The following CRTAC1 variants were observed in gnomAD, a reference collection of about 807,000 sequenced individuals.
The protein encoded by CRTAC1 is acidic secreted protein in cartilage.
Under a neutral mutation model 67.8 loss-of-function variants are expected in CRTAC1, and 37 were observed. The ratio of observed to expected loss-of-function variants is 0.55; its 90% CI spans 0.42 to 0.72. The LOEUF is 0.72. Among genes scored for constraint, CRTAC1 ranks in the 30% least tolerant of loss-of-function variants. The pLI, the probability that CRTAC1 is intolerant of heterozygous loss-of-function variation, is 0.00. For missense variants in CRTAC1, 780 were observed against 931.6 expected, an observed-to-expected ratio of 0.84 and a Z score of 2.12; for synonymous variants, 348 against 371.0, an observed-to-expected ratio of 0.94 and a Z score of 0.71.
Position 97,884,106 on chromosome 10 carries a change from A to G in CRTAC1, c.1632+100T>C, listed in dbSNP as rs555060870. Reference sequence around the variant, plus strand: ...GCTTTGCCAAGATTTCCATCACTCTAGAGGCTGAGTTTGCAGATTCCTGGG... The same window carrying G: ...GCTTTGCCAAGATTTCCATCACTCTGGAGGCTGAGTTTGCAGATTCCTGGG... On this transcript the variant is annotated intron_variant, in intron 12 of 14. Transcript: ENST00000370597. 115 of 1,383,626 alleles carry G rather than the reference A, an allele frequency of 8.3e-5. No homozygotes were observed. In the African/African-American group the frequency reaches 1.6e-3, roughly 19 times the overall value. The allele number at this position is 1,383,626 out of a possible 1,614,324, so 85.7% of individuals were successfully genotyped here. A position where few individuals can be genotyped will look rare whatever the true frequency, so the allele number is the denominator to read the frequency against.
At chr10:97,977,448 G>A (rs927551100) in intron 2 of CRTAC1, among the ~76,000 whole-genome samples, 3 of 152,168 alleles carry the variant, frequency 2.0e-5, no homozygotes, top group African/African-American at 7.2e-5. Context: ...ACTGTGAAAG[G>A]TCCCCCAAAT....
chr10:97,865,499 T>G lies in CRTAC1; in HGVS notation c.*49A>C, dbSNP rs75406237. On this transcript the variant is annotated 3_prime_UTR_variant, in exon 15 of 15. Coordinates refer to ENST00000370597, the MANE Select transcript of CRTAC1 (RefSeq NM_018058.7). ...TCTAGGCAGCAGCACAAGCCCACTT[T>G]CCCACTCCCCTGCTGGACTCCATCC... 636 of 1,560,886 alleles carry G rather than the reference T, an allele frequency of 4.1e-4. 2 individuals are homozygous for G. The East Asian group carries it at 0.014, about 34-fold the overall frequency.
chr10:97,882,712 G>C (rs2136540185), intron 13 of CRTAC1, 74 bp downstream of exon 13: 1 of 1,530,026 alleles, frequency 6.5e-7, no homozygotes, highest in Admixed American at 1.7e-5. Flanking sequence ...CTGGACCTTG[G>C]CATGAGTCAG....
chr10:97,913,464 G>A (rs1332940509), intron 5 of CRTAC1, among the ~76,000 whole-genome samples: 6 of 152,172 alleles, frequency 3.9e-5, no homozygotes. Context: ...GCCTGGGGGT[G>A]TAGCCTAGGG....
chr10:97,970,038 G>A (rs2051683007), intron 2 of CRTAC1, among the ~76,000 whole-genome samples: 1 of 152,148 alleles, frequency 6.6e-6, no homozygotes. Context: ...TGAGCTCCCA[G>A]TAGCTCTTCT....
chr10:97,999,907 C>G (rs1842655489), intron 2 of CRTAC1, among the ~76,000 whole-genome samples: 1 of 152,204 alleles, frequency 6.6e-6, no homozygotes, highest in South Asian at 2.1e-4. Context: ...GACGCCCTGT[C>G]TGCAAAGAGA....
At chr10:97,932,251 C>T (rs1369413528) in intron 3 of CRTAC1, among the ~76,000 whole-genome samples, 1 of 152,196 alleles carries the variant, frequency 6.6e-6, no homozygotes, top group Non-Finnish European at 1.5e-5. Context: ...TGGCTTTCTT[C>T]AGAGCCACAG....
intron 11 of CRTAC1, among the ~76,000 whole-genome samples, chr10:97,891,791 G>A (rs2050378576): frequency 6.6e-6 from 1 of 152,222 alleles, no homozygotes; most frequent in African/African-American, 2.4e-5. Context: ...GCTGTGCTGA[G>A]CTCCACTCAT....
At chr10:97,981,405 T>C (rs1466076751) in intron 2 of CRTAC1, among the ~76,000 whole-genome samples, 1 of 152,260 alleles carries the variant, frequency 6.6e-6, no homozygotes, top group Non-Finnish European at 1.5e-5. Context: ...TTTTATATTA[T>C]GCTTCTTTCC....
chr10:97,865,444 T>G lies in CRTAC1; in HGVS notation c.*104A>C. The G allele has an allele frequency of 7.2e-7, 1 of 1,394,200 alleles. No individual in the cohort carries two copies. Among genetic ancestry groups the G allele is most frequent in the Non-Finnish European group, 9.7e-7 (1 of 1,032,712 alleles). The allele number at this position is 1,394,200 out of a possible 1,614,324, so 86.4% of individuals were successfully genotyped here. ...TGTGCATGGATGGGCTTGGGGAGGG[T>G]CTAGCTCCCAGGCCTTTACATCCCT... is the stretch of plus-strand genomic sequence containing the variant. On this transcript the variant is annotated 3_prime_UTR_variant, in exon 15 of 15. Coordinates refer to ENST00000370597, the MANE Select transcript of CRTAC1 (RefSeq NM_018058.7).
chr10:98,004,969 T>A (rs1447576650), intron 2 of CRTAC1, among the ~76,000 whole-genome samples: 2 of 149,548 alleles, frequency 1.3e-5, no homozygotes, highest in Admixed American at 1.3e-4. Flanking sequence ...GGGAAGGGGC[T>A]GGGATGGTCT....
intron 7 of CRTAC1, among the ~76,000 whole-genome samples, chr10:97,902,381 G>A (rs535250572): frequency 4.6e-5 from 7 of 152,296 alleles, no homozygotes; most frequent in Admixed American, 1.3e-4. Flanking sequence ...ACTACCTTAC[G>A]TTGTTTCTTG....
chr10:98,024,317 G>C (rs1843180860), intron 1 of CRTAC1, among the ~76,000 whole-genome samples: 1 of 152,212 alleles, frequency 6.6e-6, no homozygotes, highest in Non-Finnish European at 1.5e-5. Flanking sequence ...GCTAATTAAA[G>C]TAATACGTCA....
Position 98,030,597 on chromosome 10 carries a change from C to T in CRTAC1, c.-125G>A, listed in dbSNP as rs1843357714. The T allele has an allele frequency of 1.9e-6, 1 of 539,030 alleles. No individual in the cohort carries two copies. Among genetic ancestry groups the T allele is most frequent in the Admixed American group, 4.5e-5 (1 of 22,058 alleles). 33.4% of individuals were successfully genotyped at this position (539,030 alleles called of 1,614,324 possible). On this transcript the variant is annotated 5_prime_UTR_variant, in exon 1 of 15. Transcript: ENST00000370597. This position sits in a 1 kb window ranked among gnomAD's most constrained non-coding sequence, Gnocchi z 4.2. ...CCGGGCTGGCCTCGAGCCTCCCGCC[C>T]CGACGCCGCGCGCTCGCTTTATACA...
At chr10:97,879,576 A>G in intron 14 of CRTAC1, 1 of 1,387,322 alleles carries the variant, frequency 7.2e-7, no homozygotes, top group East Asian at 2.6e-5. Flanking sequence ...GAGGGAGCAC[A>G]CAGCAGAACC....
rs906400043 is a variant in CRTAC1, at chr10:98,030,143, C to G, written c.24+306G>C. 7.2e-5 allele frequency among the ~76,000 whole-genome samples: 11 copies of G among 152,042 alleles called. No individual in the cohort carries two copies. Among genetic ancestry groups the G allele is most frequent in the Non-Finnish European group, 1.3e-4 (9 of 67,974 alleles). ...GAGGCCCCCTCCCCTGACAGCTGACCTCCAGTGCGCCCCCAACACTTTCTC... is the reference window on the plus strand; with the variant it reads ...GAGGCCCCCTCCCCTGACAGCTGACGTCCAGTGCGCCCCCAACACTTTCTC... On this transcript the variant is annotated intron_variant, in intron 1 of 14. Transcript: ENST00000370597. The surrounding 1 kb of genome is among the most constrained non-coding windows in gnomAD (Gnocchi z 4.2).
chr10:97,915,295 C>G (rs2050743158), intron 5 of CRTAC1, among the ~76,000 whole-genome samples: 3 of 152,244 alleles, frequency 2.0e-5, no homozygotes, highest in Admixed American at 1.3e-4. Flanking sequence ...AGATGGGGCT[C>G]TAAGTGCTAG....
chr10:98,021,649 G>C (rs1189295428), intron 1 of CRTAC1, among the ~76,000 whole-genome samples: 1 of 152,186 alleles, frequency 6.6e-6, no homozygotes, highest in Non-Finnish European at 1.5e-5. Context: ...AAGTCCACAC[G>C]TGGTAGGTAA....
At chr10:97,901,384 C>T in intron 8 of CRTAC1, 119 bp downstream of exon 8, 4 of 1,237,774 alleles carry the variant, frequency 3.2e-6, no homozygotes, top group Admixed American at 4.0e-5. Flanking sequence ...CTGTGTTGAC[C>T]TTGGCCTGAC....
Sources: gnomAD v4.1 joint callset for allele counts (sites outside exome capture counted in the v4.1 genomes callset) on GRCh38, gnomAD v4.1.1 for gene constraint, Gnocchi (gnomAD v3.1) non-coding constraint, MANE v1.5 for transcripts, NCBI Gene and HGNC (gene_info 2026-07-23, HGNC 2026-07-21) for gene names.